The following GPC4 variants were observed in gnomAD, a reference collection of about 807,000 sequenced individuals.
GPC4 encodes the protein glypican 4, also known as glypican-4.
GPC4 carries 10 observed loss-of-function variants against 35.0 expected under a neutral mutation model. The ratio of observed to expected loss-of-function variants is 0.29; its 90% CI spans 0.18 to 0.48. The LOEUF is 0.48. GPC4 is among the 20% of genes least tolerant of loss of function. GPC4 has a pLI of 0.99. For missense variants in GPC4, 322 were observed against 451.3 expected (o/e 0.71, Z 2.60); for synonymous variants, 167 against 170.2 (o/e 0.98, Z 0.15).
At chrX:133,379,934 A>T (rs980768927) in intron 1 of GPC4, among the ~76,000 whole-genome samples, 2 of 111,505 alleles carry the variant, frequency 1.8e-5, no homozygotes, top group Non-Finnish European at 3.8e-5. Context: ...TGAAAACTGG[A>T]CTTCGTTGAC....
chrX:133,326,007 G>A (rs1263561827), intron 2 of GPC4, among the ~76,000 whole-genome samples: 1 of 99,913 alleles, frequency 1.0e-5, no homozygotes, highest in East Asian at 3.2e-4. Flanking sequence ...TTCAAACATT[G>A]TAGGTATGGC....
At chrX:133,385,146 G>C (rs1415536868) in intron 1 of GPC4, among the ~76,000 whole-genome samples, 1 of 112,269 alleles carries the variant, frequency 8.9e-6, no homozygotes, top group African/African-American at 3.2e-5. Context: ...GTACAACACA[G>C]CCTCTATCTC....
intron 1 of GPC4, among the ~76,000 whole-genome samples, chrX:133,386,298 G>A (rs1194872757): frequency 2.7e-5 from 3 of 109,223 alleles, no homozygotes; most frequent in African/African-American, 9.9e-5. Context: ...GGACACAAAT[G>A]GAATAGGAAA....
At chrX:133,317,758 G>A (rs1259487122) in intron 3 of GPC4, among the ~76,000 whole-genome samples, 1 of 111,825 alleles carries the variant, frequency 8.9e-6, no homozygotes, top group Non-Finnish European at 1.9e-5. Flanking sequence ...AGAAATAACA[G>A]AACTATTCCC....
At chrX:133,350,662 T>A (rs2068512619) in intron 1 of GPC4, among the ~76,000 whole-genome samples, 1 of 112,455 alleles carries the variant, frequency 8.9e-6, no homozygotes, top group Non-Finnish European at 1.9e-5. Context: ...ATTTTTAATG[T>A]CTGTGCTTAA....
chrX:133,404,357 C>T (rs1338871393), intron 1 of GPC4, among the ~76,000 whole-genome samples: 1 of 106,740 alleles, frequency 9.4e-6, no homozygotes, highest in Non-Finnish European at 1.9e-5. Flanking sequence ...ACCAGCATGA[C>T]CAACATGGAG....
intron 1 of GPC4, among the ~76,000 whole-genome samples, chrX:133,384,031 G>A (rs1419643254): frequency 9.0e-6 from 1 of 111,543 alleles, no homozygotes; most frequent in Non-Finnish European, 1.9e-5. Context: ...AATACAACTC[G>A]AGAATTTTCT....
intron 3 of GPC4, among the ~76,000 whole-genome samples, chrX:133,311,875 C>A (rs1386488360): frequency 8.9e-6 from 1 of 112,119 alleles, no homozygotes; most frequent in Non-Finnish European, 1.9e-5. Flanking sequence ...AACAGAAGCA[C>A]ATCTTCTTCT....
At chrX:133,362,803 C>T (rs984301524) in intron 1 of GPC4, among the ~76,000 whole-genome samples, 6 of 112,085 alleles carry the variant, frequency 5.4e-5, no homozygotes, top group Admixed American at 1.9e-4. Flanking sequence ...TCGTAAACTA[C>T]TTGTTTCCTC....
chrX:133,312,255 G>A (rs1447632989), intron 3 of GPC4, among the ~76,000 whole-genome samples: 1 of 110,906 alleles, frequency 9.0e-6, no homozygotes, highest in Non-Finnish European at 1.9e-5. Context: ...AATGGGGTTG[G>A]GGAATTGCGG....
chrX:133,346,589 G>GA (rs1219811275), intron 1 of GPC4, among the ~76,000 whole-genome samples: 1 of 110,965 alleles, frequency 9.0e-6, no homozygotes, highest in Non-Finnish European at 1.9e-5. Flanking sequence ...ACATTGTGGG[G>GA]AAAAAAACTA....
At chrX:133,409,099 G>A (rs2068801532) in intron 1 of GPC4, among the ~76,000 whole-genome samples, 1 of 107,644 alleles carries the variant, frequency 9.3e-6, no homozygotes, top group Non-Finnish European at 1.9e-5. Context: ...AGATTGCAGT[G>A]AGCCGAGATC....
chrX:133,329,005 T>C (rs1372599821), intron 2 of GPC4, among the ~76,000 whole-genome samples: 2 of 111,801 alleles, frequency 1.8e-5, no homozygotes, highest in Non-Finnish European at 3.8e-5. Flanking sequence ...AAGGCTTAAG[T>C]ATATACATTC....
In GPC4 at chrX:133,414,959, G is replaced by A. The variant is rs1353328059; in HGVS notation, c.7C>T (p.Arg3Trp). The A allele has an allele frequency of 8.3e-7, 1 of 1,209,365 alleles. No homozygotes were observed. Among genetic ancestry groups the A allele is most frequent in the Non-Finnish European group, 1.1e-6 (1 of 893,861 alleles). Residue 3 changes from arginine (R) to tryptophan (W), a missense_variant, in exon 1 of 9, where the codon CGG (arginine) becomes TGG (tryptophan). Coordinates refer to ENST00000370828, the MANE Select transcript of GPC4 (RefSeq NM_001448.3). Reference sequence around the variant, plus strand: ...CAGAGAAGCGCGGGCAAGCCGAACCGTGCCATGGTGCGGGCCGGGGCGGAC... The same window carrying A: ...CAGAGAAGCGCGGGCAAGCCGAACCATGCCATGGTGCGGGCCGGGGCGGAC... MA[R>W]FGLPALLCTL... is the part of the protein sequence containing the mutation.
intron 1 of GPC4, among the ~76,000 whole-genome samples, chrX:133,392,734 C>T (rs375209547): frequency 1.8e-5 from 2 of 109,775 alleles, no homozygotes; most frequent in African/African-American, 6.7e-5. Flanking sequence ...AAAGAAGCGG[C>T]TAAACTCTTT....
chrX:133,411,290 G>C (rs2068811966), intron 1 of GPC4, among the ~76,000 whole-genome samples: 1 of 111,897 alleles, frequency 8.9e-6, no homozygotes, highest in South Asian at 3.8e-4. Context: ...TTGTGAAGAG[G>C]ACCTTTGGCA....
At chrX:133,414,623 G>C in intron 1 of GPC4, 183 bp downstream of exon 1, 1 of 754,523 alleles carries the variant, frequency 1.3e-6, no homozygotes, top group South Asian at 6.7e-5. Flanking sequence ...CGCCCGCGGG[G>C]AACGTCCTGC....
intron 2 of GPC4, among the ~76,000 whole-genome samples, chrX:133,328,360 A>G (rs889587440): frequency 1.8e-5 from 2 of 111,162 alleles, no homozygotes; most frequent in Non-Finnish European, 3.8e-5. Flanking sequence ...TCTAAAATCC[A>G]TAGCAATTGG....
chrX:133,314,282 TA>T (rs1441042185), intron 3 of GPC4, among the ~76,000 whole-genome samples: 5 of 112,284 alleles, frequency 4.5e-5, no homozygotes, highest in Admixed American at 1.9e-4. Context: ...CTCATTCTTT[TA>T]AAAAATAACT....
Sources: gnomAD v4.1 joint callset for allele counts (sites outside exome capture counted in the v4.1 genomes callset) on GRCh38, gnomAD v4.1.1 for gene constraint, MANE v1.5 for transcripts, NCBI Gene and HGNC (gene_info 2026-07-23, HGNC 2026-07-21) for gene names.